The following GMDS variants were observed in gnomAD, a reference collection of about 807,000 sequenced individuals.
GMDS encodes the protein GDP-mannose 4,6 dehydratase.
A neutral mutation model predicts 49.9 loss-of-function variants in GMDS; 20 were observed. The ratio of observed to expected loss-of-function variants is 0.40; its 90% CI spans 0.28 to 0.58. The LOEUF is 0.58. GMDS is among the 20% of genes least tolerant of loss of function. The pLI, the probability that GMDS is intolerant of heterozygous loss-of-function variation, is 0.42. For synonymous variants in GMDS, 177 were observed against 178.6 expected (o/e 0.99, Z 0.07); for missense variants, 362 against 481.4 (o/e 0.75, Z 2.32).
At chr6:1,634,185 C>T (rs113143076) in intron 9 of GMDS, among the ~76,000 whole-genome samples, 43 of 152,308 alleles carry the variant, frequency 2.8e-4, no homozygotes, top group African/African-American at 8.9e-4. Context: ...CGGGACTGCA[C>T]CCAGCTGGCC....
rs192765591 is a variant in GMDS, at chr6:2,080,818, G to T, written c.345+34953C>A. Among the ~76,000 whole-genome samples, 558 of 152,252 alleles carry T rather than the reference G, an allele frequency of 3.7e-3. 4 individuals are homozygous for T. Among genetic ancestry groups the T allele is most frequent in the Admixed American group, 7.9e-3 (121 of 15,296 alleles). On this transcript the variant is annotated intron_variant, in intron 4 of 10. Coordinates refer to ENST00000380815, the MANE Select transcript of GMDS (RefSeq NM_001500.4). ...TATAAAAATGCGAAGATTAATTCTG[G>T]TGTCATCAGAGCTGAATTACAATAC...
intron 1 of GMDS, among the ~76,000 whole-genome samples, chr6:2,201,589 G>A (rs1466275080): frequency 1.5e-5 from 2 of 129,546 alleles, no homozygotes; most frequent in East Asian, 2.5e-4. Context: ...TAGCAGAGAG[G>A]TGAAGGATGA....
intron 4 of GMDS, among the ~76,000 whole-genome samples, chr6:2,040,383 G>A (rs1488595836): frequency 1.3e-5 from 2 of 152,192 alleles, no homozygotes; most frequent in Non-Finnish European, 2.9e-5. Context: ...ATGCTTTTTA[G>A]AGAAAGAATC....
chr6:1,872,682 T>C (rs1226328301), intron 7 of GMDS, among the ~76,000 whole-genome samples: 4 of 152,244 alleles, frequency 2.6e-5, no homozygotes, highest in Non-Finnish European at 5.9e-5. Flanking sequence ...GAGCAAGCAA[T>C]TAGCTAACTC....
In GMDS at chr6:2,179,907, C is replaced by T. The variant is rs115956092; in HGVS notation, c.103-55176G>A. ...CACTCATCTATCTCAAAACACCCAT[C>T]GTTTAGAAATAGAAATGAAACTTAA... On this transcript the variant is annotated intron_variant, in intron 1 of 10. Coordinates refer to ENST00000380815, the MANE Select transcript of GMDS (RefSeq NM_001500.4). 9.2e-3 allele frequency among the ~76,000 whole-genome samples: 1,307 copies of T among 142,434 alleles called. 38 individuals carry two copies. Among genetic ancestry groups the T allele is most frequent in the African/African-American group, 0.032 (1,235 of 38,266 alleles). 93.4% of individuals were successfully genotyped at this position (142,434 alleles called of 152,430 possible).
chr6:1,980,722 T>C (rs1157085424), intron 4 of GMDS, among the ~76,000 whole-genome samples: 1 of 152,156 alleles, frequency 6.6e-6, no homozygotes. Context: ...TTTACAGAAC[T>C]GTCCACCCAG....
chr6:1,946,830 TC>T (rs1763094568), intron 6 of GMDS, among the ~76,000 whole-genome samples: 1 of 152,158 alleles, frequency 6.6e-6, no homozygotes, highest in African/African-American at 2.4e-5. Context: ...CTGGCAGCCC[TC>T]CTTTGGGCAG....
intron 7 of GMDS, among the ~76,000 whole-genome samples, chr6:1,774,937 G>C (rs6916299): frequency 0.044 from 6,759 of 152,254 alleles, 472 homozygotes; most frequent in African/African-American, 0.15. Context: ...TCCATTCCAG[G>C]GGGAGTTGAA....
chr6:2,153,034 G>A (rs988093811), intron 1 of GMDS, among the ~76,000 whole-genome samples: 1 of 151,902 alleles, frequency 6.6e-6, no homozygotes, highest in African/African-American at 2.4e-5. Flanking sequence ...ACTCCAGCCT[G>A]GGCAAGAAAG....
chr6:1,762,162 C>T (rs1192196163), intron 7 of GMDS, among the ~76,000 whole-genome samples: 1 of 152,184 alleles, frequency 6.6e-6, no homozygotes, highest in Non-Finnish European at 1.5e-5. Context: ...TGCTTATAAC[C>T]GTCTGCATTT....
intron 4 of GMDS, among the ~76,000 whole-genome samples, chr6:2,035,153 T>C (rs1045665056): frequency 1.3e-5 from 2 of 152,174 alleles, no homozygotes; most frequent in African/African-American, 2.4e-5. Context: ...ACCCTCCCCC[T>C]GAACACTGTC....
At chr6:1,723,456 A>G (rs1412875982) in intron 9 of GMDS, among the ~76,000 whole-genome samples, 2 of 151,516 alleles carry the variant, frequency 1.3e-5, no homozygotes, top group African/African-American at 4.9e-5. Context: ...CCTCCTGAGT[A>G]GCTGGGACTA....
intron 9 of GMDS, among the ~76,000 whole-genome samples, chr6:1,712,662 C>T (rs775458105): frequency 6.6e-6 from 1 of 151,878 alleles, no homozygotes; most frequent in Non-Finnish European, 1.5e-5. Context: ...TGATGCTGAC[C>T]ACAAAGTATG....
intron 4 of GMDS, among the ~76,000 whole-genome samples, chr6:2,037,513 C>T (rs548346773): frequency 3.0e-4 from 46 of 152,278 alleles, no homozygotes; most frequent in South Asian, 1.0e-3. Flanking sequence ...GGAAAGAAAA[C>T]TCTGGTTTGG....
intron 4 of GMDS, among the ~76,000 whole-genome samples, chr6:1,981,308 A>C (rs939716057): frequency 4.6e-5 from 7 of 152,276 alleles, no homozygotes; most frequent in Non-Finnish European, 7.4e-5. Flanking sequence ...CAAGAAGAAA[A>C]GAGAGAAGAT....
Position 1,959,940 on chromosome 6 carries a change from C to T in GMDS, c.570G>A (p.Val190=), listed in dbSNP as rs770549028. ...GAAKLYAYWI[V]VNFREAYNLF... ...GATTATACGCCTCACGGAAGTTCAC[C>T]ACAATCCAATAGGCATAGAGTTTTG... Residue 190 remains valine (V), a synonymous_variant, in exon 6 of 11, where the codon GTG becomes GTA. Transcript: ENST00000380815. 2 of 1,608,768 alleles carry T rather than the reference C, an allele frequency of 1.2e-6. No homozygotes were observed. The highest frequency in any genetic ancestry group is 1.7e-6 in the Non-Finnish European group (2 of 1,177,898).
chr6:2,218,599 A>T (rs189643235), intron 1 of GMDS, among the ~76,000 whole-genome samples: 6 of 152,346 alleles, frequency 3.9e-5, no homozygotes, highest in Admixed American at 3.9e-4. Flanking sequence ...AGCAATTTTT[A>T]AAAATTCACC....
intron 1 of GMDS, among the ~76,000 whole-genome samples, chr6:2,225,564 G>A (rs937820308): frequency 6.6e-6 from 1 of 152,064 alleles, no homozygotes; most frequent in Non-Finnish European, 1.5e-5. Context: ...TGCAAATGAC[G>A]AATCATTTGC....
chr6:1,964,596 C>G (rs983738085), intron 4 of GMDS, among the ~76,000 whole-genome samples: 2 of 152,158 alleles, frequency 1.3e-5, no homozygotes, highest in Admixed American at 6.5e-5. Context: ...AGCACCTTAA[C>G]CATTAGAACA....
Sources: gnomAD v4.1 joint callset for allele counts (sites outside exome capture counted in the v4.1 genomes callset) on GRCh38, gnomAD v4.1.1 for gene constraint, MANE v1.5 for transcripts, NCBI Gene and HGNC (gene_info 2026-07-23, HGNC 2026-07-21) for gene names.